Variants in TRAIP observed in about 807,000 individuals in gnomAD.
The protein encoded by TRAIP is TRAF interacting protein.
Under a neutral mutation model 65.0 loss-of-function variants are expected in TRAIP, and 37 were observed. The observed-to-expected ratio is 0.57, with a 90% CI of 0.44 to 0.75. The LOEUF (loss-of-function observed/expected upper bound fraction) is 0.75. TRAIP is among the 30% of genes least tolerant of loss of function. The probability of loss-of-function intolerance (pLI) is 0.00; values close to 1 mark genes in which losing one functional copy is unlikely to be tolerated. For synonymous variants in TRAIP, 187 were observed against 219.1 expected (o/e 0.85, Z 1.29); for missense variants, 481 against 579.4 (o/e 0.83, Z 1.74).
rs769658114 is a variant in TRAIP at position 49,830,005 on chromosome 3, C to T, written c.1086+15G>A. On this transcript the variant is annotated intron_variant, in intron 12 of 14. Coordinates refer to ENST00000331456, the MANE Select transcript of TRAIP (RefSeq NM_005879.3). ...TGCCAAAGGTTAGACTGTGCTTCTT[C>T]TAGAAAGCTCTTACCTTCCTGGGGC... 1.2e-6 allele frequency: 2 copies of T among 1,614,018 alleles called. No homozygotes were observed. The highest frequency in any genetic ancestry group is 2.7e-5 in the African/African-American group (2 of 74,926).
intron 3 of TRAIP, among the ~76,000 whole-genome samples, chr3:49,846,430 G>A (rs1338104033): frequency 2.6e-5 from 4 of 152,086 alleles, no homozygotes; most frequent in Non-Finnish European, 4.4e-5. Flanking sequence ...CCGTGGCTGG[G>A]GAGTAGAAGA....
rs1177447516 is a variant in TRAIP, at chr3:49,839,967, AGAGCAAGGCCT to A, written c.796-118_796-108del. 9.4e-6 allele frequency: 11 copies of A among 1,167,886 alleles called. No homozygotes were observed. The East Asian group carries it at 1.9e-4, about 20-fold the overall frequency. 72.3% of individuals were successfully genotyped at this position (1,167,886 alleles called of 1,614,324 possible). A position where few individuals can be genotyped will look rare whatever the true frequency, so the allele number is the denominator to read the frequency against. Reference sequence around the variant, plus strand: ...CATGAAAGGCCAGCCCACTGGGAACAGAGCAAGGCCTGATACCTCATCATTAGGCTCAGGAG... The same window carrying A: ...CATGAAAGGCCAGCCCACTGGGAACAGATACCTCATCATTAGGCTCAGGAG... On this transcript the variant is annotated intron_variant, in intron 9 of 14. Coordinates refer to ENST00000331456, the MANE Select transcript of TRAIP (RefSeq NM_005879.3).
intron 10 of TRAIP, among the ~76,000 whole-genome samples, chr3:49,837,859 G>A (rs906061451): frequency 6.7e-6 from 1 of 150,150 alleles, no homozygotes; most frequent in Non-Finnish European, 1.5e-5. Flanking sequence ...TGGGGCTACA[G>A]GTGTGAGCCA....
rs761763400 is a variant in TRAIP at position 49,843,919 on chromosome 3, T to C, written c.290A>G (p.Lys97Arg). The C allele has an allele frequency of 1.2e-6, 2 of 1,608,900 alleles. No homozygotes were observed. Among genetic ancestry groups the C allele is most frequent in the African/African-American group, 1.3e-5 (1 of 74,830 alleles). The stretch of plus-strand genomic sequence containing the variant: ...GTCGATGATGACCTGGCTGTCTCGT[T>C]TCTCCTTGTCTGGAGCAGGGGTAGA... ...RAQLSQKDKE[K>R]RDSQVIIDTL... Residue 97 changes from lysine (K) to arginine (R), a missense_variant, in exon 5 of 15, where the codon AAA (lysine) becomes AGA (arginine). By Grantham distance (26) the Lys-to-Arg change is conservative. Transcript: ENST00000331456.
intron 1 of TRAIP, among the ~76,000 whole-genome samples, chr3:49,850,128 T>C (rs1343644476): frequency 6.6e-6 from 1 of 152,092 alleles, no homozygotes; most frequent in African/African-American, 2.4e-5. Context: ...ATATTATGAA[T>C]AAATCACAAA....
intron 10 of TRAIP, 141 bp downstream of exon 10, chr3:49,839,631 T>C: frequency 1.3e-6 from 1 of 771,758 alleles, no homozygotes; most frequent in East Asian, 2.5e-5. Flanking sequence ...CAGCTAAATC[T>C]TGGCTGGCTC....
chr3:49,829,460 G>T lies in TRAIP; in HGVS notation c.1285C>A (p.Pro429Thr). ...TCAACATCACAGGAAAAGGATACAG[G>T]CTGGATGAATTTTGTCCGGCCACCG... ...GLGGRTKFIQ[P>T]TDTVMIRPLP... The change falls in exon 14 of 15, where the codon CCT becomes ACT. Residue 429 changes from proline (P) to threonine (T), a missense_variant and splice_region_variant. Physicochemically the swap from Pro to Thr is conservative, Grantham distance 38 (BLOSUM62 -1). Coordinates refer to ENST00000331456, the MANE Select transcript of TRAIP (RefSeq NM_005879.3). 2 of 1,614,130 alleles carry T rather than the reference G, an allele frequency of 1.2e-6. No individual in the cohort carries two copies. Among genetic ancestry groups the T allele is most frequent in the Non-Finnish European group, 8.5e-7 (1 of 1,180,028 alleles).
At chr3:49,852,716 C>G (rs1303549553) in intron 1 of TRAIP, among the ~76,000 whole-genome samples, 1 of 149,402 alleles carries the variant, frequency 6.7e-6, no homozygotes, top group Admixed American at 6.7e-5. Flanking sequence ...GATCGTGCCA[C>G]TGCACTCCAG....
Position 49,843,932 on chromosome 3 carries a change from G to A in TRAIP, c.281-4C>T. 6.2e-7 allele frequency: 1 copy of A among 1,605,880 alleles called. No individual in the cohort carries two copies. The highest frequency in any genetic ancestry group is 8.5e-7 in the Non-Finnish European group (1 of 1,173,166). On this transcript the variant is annotated splice_polypyrimidine_tract_variant and splice_region_variant and intron_variant, in intron 4 of 14. Coordinates refer to ENST00000331456, the MANE Select transcript of TRAIP (RefSeq NM_005879.3). ...TGGCTGTCTCGTTTCTCCTTGTCTGGAGCAGGGGTAGAGGGCGGAGGAAAG... is the reference window on the plus strand; with the variant it reads ...TGGCTGTCTCGTTTCTCCTTGTCTGAAGCAGGGGTAGAGGGCGGAGGAAAG...
intron 1 of TRAIP, among the ~76,000 whole-genome samples, chr3:49,853,401 T>G (rs2081949425): frequency 6.6e-6 from 1 of 152,054 alleles, no homozygotes; most frequent in Admixed American, 6.6e-5. Context: ...GGCCAGGAGT[T>G]TGAGACCAGC....
In TRAIP at chr3:49,840,368, C is replaced by G. The variant is rs755922607; in HGVS notation, c.711G>C (p.Gln237His). 2 of 1,613,910 alleles carry G rather than the reference C, an allele frequency of 1.2e-6. No individual in the cohort carries two copies. The highest frequency in any genetic ancestry group is 1.7e-6 in the Non-Finnish European group (2 of 1,179,888). The stretch of plus-strand genomic sequence containing the variant: ...CCTGATCCAATTCAGAGTAGACTGT[C>G]TGCAACTATAAGAAAGTGTAGGGAA... Reference protein sequence around the residue: ...KDLFSSRSKLQTVYSELDQAK... With the variant: ...KDLFSSRSKLHTVYSELDQAK... The change falls in exon 9 of 15, where the codon CAG (glutamine) becomes CAC (histidine). Residue 237 changes from glutamine (Q) to histidine (H), a missense_variant. Physicochemically the swap from Gln to His is conservative, Grantham distance 24. Transcript: ENST00000331456.
chr3:49,854,699 T>C (rs1248971185), intron 1 of TRAIP, among the ~76,000 whole-genome samples: 1 of 152,154 alleles, frequency 6.6e-6, no homozygotes. Flanking sequence ...CAATTTTAAG[T>C]AGACTAAATG....
chr3:49,844,020 T>C, intron 4 of TRAIP, 92 bp from the exon 5 acceptor site: 1 of 1,477,654 alleles, frequency 6.8e-7, no homozygotes, highest in Non-Finnish European at 9.1e-7. Context: ...CCTCATCCCT[T>C]AGGCAGGTGA....
At chr3:49,838,506 C>G (rs1214721527) in intron 10 of TRAIP, among the ~76,000 whole-genome samples, 2 of 152,228 alleles carry the variant, frequency 1.3e-5, no homozygotes, top group African/African-American at 4.8e-5. Flanking sequence ...TCCAAGAGAA[C>G]AGAGAAGGTC....
Position 49,832,113 on chromosome 3 carries a change from C to G in TRAIP, c.885-45G>C, listed in dbSNP as rs760022868. ...GGTTACTTGGGGCCACAGTGGTAAC[C>G]CAGGACAACAGCTCCTGAAGCATCA... On this transcript the variant is annotated intron_variant, in intron 10 of 14. Coordinates refer to ENST00000331456, the MANE Select transcript of TRAIP (RefSeq NM_005879.3). 2.0e-6 allele frequency: 3 copies of G among 1,510,572 alleles called. No individual in the cohort carries two copies. The Admixed American group carries it at 6.3e-5, about 32-fold the overall frequency. 93.6% of individuals were successfully genotyped at this position (1,510,572 alleles called of 1,614,324 possible).
At chr3:49,841,804 T>C (rs554773066) in intron 7 of TRAIP, 22 bp downstream of exon 7, 29 of 1,599,910 alleles carry the variant, frequency 1.8e-5, no homozygotes, top group Non-Finnish European at 2.2e-5. Flanking sequence ...CTGTGTTTGC[T>C]GAGAGGGGCC....
chr3:49,834,164 G>T (rs775437164), intron 10 of TRAIP, among the ~76,000 whole-genome samples: 1 of 152,192 alleles, frequency 6.6e-6, no homozygotes, highest in Non-Finnish European at 1.5e-5. Context: ...CTAAGGAAAG[G>T]TCTCCCTGGC....
intron 11 of TRAIP, 50 bp from the exon 12 acceptor site, chr3:49,830,118 C>A (rs1194123615): frequency 3.1e-6 from 5 of 1,594,304 alleles, no homozygotes; most frequent in Non-Finnish European, 4.3e-6. Context: ...GACATGGGGG[C>A]AGGTGAACCA....
intron 1 of TRAIP, among the ~76,000 whole-genome samples, chr3:49,851,581 G>A (rs866481926): frequency 1.3e-5 from 2 of 151,592 alleles, no homozygotes; most frequent in Non-Finnish European, 2.9e-5. Context: ...CTTTTTTGTA[G>A]AGATGGGGTG....
Sources: gnomAD v4.1 joint callset for allele counts (sites outside exome capture counted in the v4.1 genomes callset) on GRCh38, gnomAD v4.1.1 for gene constraint, MANE v1.5 for transcripts, NCBI Gene and HGNC (gene_info 2026-07-23, HGNC 2026-07-21) for gene names.